ZNF443: variants seen among roughly 807,000 people sequenced by gnomAD.
ZNF443 encodes the protein zinc finger protein 443.
In ZNF443, 3 loss-of-function variants were observed where a neutral mutation model predicts 12.0. The ratio of observed to expected loss-of-function variants is 0.25; its 90% CI spans 0.11 to 0.64. ZNF443 has a LOEUF of 0.64. Ranked by LOEUF, ZNF443 falls within the 30% of genes least tolerant of loss-of-function variation. The pLI is 0.84. For synonymous variants in ZNF443, 225 were observed against 265.9 expected, an observed-to-expected ratio of 0.85 and a Z score of 1.50; for missense variants, 770 against 808.8, an observed-to-expected ratio of 0.95 and a Z score of 0.58.
intron 1 of ZNF443, among the ~76,000 whole-genome samples, chr19:12,436,317 C>T (rs539526657): frequency 1.2e-4 from 18 of 147,778 alleles, no homozygotes; most frequent in African/African-American, 4.6e-4. Context: ...CCTATCTCTA[C>T]TAAACATACA....
At chr19:12,436,547 G>A in intron 1 of ZNF443, among the ~76,000 whole-genome samples, 1 of 150,722 alleles carries the variant, frequency 6.6e-6, no homozygotes, top group East Asian at 1.9e-4. Flanking sequence ...CTAAAATGAA[G>A]ACATCTTCAC....
Position 12,430,952 on chromosome 19 carries a change from C to T in ZNF443, c.1220G>A (p.Ser407Asn), listed in dbSNP as rs1270017721. The T allele has an allele frequency of 6.2e-7, 1 of 1,613,438 alleles. No individual in the cohort carries two copies. The highest frequency in any genetic ancestry group is 8.5e-7 in the Non-Finnish European group (1 of 1,179,718). The change falls in exon 4 of 4, where the codon AGC (serine) becomes AAC (asparagine). Residue 407 changes from serine (S) to asparagine (N), a missense_variant. Transcript: ENST00000301547. ...GTGCATTATCATATGACTTCGAAAGCTTGAGCGATGAGATAATGCTTTCCC... is the reference window on the plus strand; with the variant it reads ...GTGCATTATCATATGACTTCGAAAGTTTGAGCGATGAGATAATGCTTTCCC... ...QCGKALSHRS[S>N]FRSHMIMHTG...
At chr19:12,440,406 C>T (rs985947352) in intron 1 of ZNF443, among the ~76,000 whole-genome samples, 1 of 152,184 alleles carries the variant, frequency 6.6e-6, no homozygotes, top group African/African-American at 2.4e-5. Context: ...TTGAAGACCC[C>T]ACGAGGGAGC....
intron 1 of ZNF443, among the ~76,000 whole-genome samples, chr19:12,437,352 T>C (rs1970322751): frequency 1.3e-5 from 2 of 150,500 alleles, no homozygotes; most frequent in African/African-American, 4.9e-5. Flanking sequence ...AGGTTATAGT[T>C]AACTATGATT....
In ZNF443 at chr19:12,429,868, A is replaced by G; in HGVS notation, c.*288T>C. The G allele has an allele frequency of 1.9e-6, 1 of 522,924 alleles. No individual in the cohort carries two copies. The highest frequency in any genetic ancestry group is 3.4e-6 in the Non-Finnish European group (1 of 296,872). The allele number at this position is 522,924 out of a possible 1,614,324, so 32.4% of individuals were successfully genotyped here. On this transcript the variant is annotated 3_prime_UTR_variant, in exon 4 of 4. Transcript: ENST00000301547. ...ATTTGCATAGCTTTTATAATGCATG[A>G]GGTATTTTAAGTAATCTAGACATAA...
intron 2 of ZNF443, 55 bp from the exon 3 acceptor site, chr19:12,432,492 C>T: frequency 5.6e-6 from 7 of 1,241,672 alleles, no homozygotes; most frequent in Non-Finnish European, 7.8e-6. Context: ...TATAGACAAA[C>T]AGTAACATTT....
chr19:12,432,587 T>C, intron 2 of ZNF443, 150 bp from the exon 3 acceptor site: 1 of 505,892 alleles, frequency 2.0e-6, no homozygotes, highest in Non-Finnish European at 3.4e-6. Flanking sequence ...CACAAGTCCA[T>C]TTGTATATAC....
chr19:12,438,161 A>G (rs1254856985), intron 1 of ZNF443, among the ~76,000 whole-genome samples: 1 of 152,012 alleles, frequency 6.6e-6, no homozygotes, highest in Non-Finnish European at 1.5e-5. Flanking sequence ...CCTCTCTGCC[A>G]TAGTCAAAGC....
At chr19:12,432,811 G>A (rs1477865313) in intron 2 of ZNF443, among the ~76,000 whole-genome samples, 5 of 148,488 alleles carry the variant, frequency 3.4e-5, no homozygotes, top group African/African-American at 1.3e-4. Flanking sequence ...AATATACGAT[G>A]TAATAATACG....
At chr19:12,434,324 T>C (rs28428848) in intron 1 of ZNF443, among the ~76,000 whole-genome samples, 49,920 of 151,950 alleles carry the variant, frequency 0.33, 8,598 homozygotes, top group South Asian at 0.47. Context: ...CAGAGAATAT[T>C]TGGAAGCTGG....
chr19:12,430,534 G>C lies in ZNF443; in HGVS notation c.1638C>G (p.Asn546Lys). The C allele has an allele frequency of 6.2e-7, 1 of 1,614,060 alleles. No individual in the cohort carries two copies. Residue 546 changes from asparagine (N) to lysine (K), a missense_variant, in exon 4 of 4, where the codon AAC becomes AAG. Transcript: ENST00000301547. The part of the protein sequence containing the change: ...TCRKAFGHYD[N>K]LKVHERIHSG... ...AGTGAATTCTTTCATGTACCTTTAAGTTATCATAATGACCGAAGGCTTTCC... is the reference window on the plus strand; with the variant it reads ...AGTGAATTCTTTCATGTACCTTTAACTTATCATAATGACCGAAGGCTTTCC...
intron 1 of ZNF443, among the ~76,000 whole-genome samples, chr19:12,440,488 C>T (rs1970353947): frequency 6.6e-6 from 1 of 152,162 alleles, no homozygotes; most frequent in Non-Finnish European, 1.5e-5. Flanking sequence ...CAACCAAGGA[C>T]GCTACACCCA....
At chr19:12,440,737 G>A (rs1357546420) in intron 1 of ZNF443, among the ~76,000 whole-genome samples, 175 bp downstream of exon 1, 1 of 152,180 alleles carries the variant, frequency 6.6e-6, no homozygotes, top group Non-Finnish European at 1.5e-5. Flanking sequence ...GACGCCCGGG[G>A]TCCCGGCTGC....
At chr19:12,433,419 C>T (rs1183776715) in intron 1 of ZNF443, among the ~76,000 whole-genome samples, 1 of 152,184 alleles carries the variant, frequency 6.6e-6, no homozygotes, top group African/African-American at 2.4e-5. Flanking sequence ...AGAAACATGC[C>T]ACTTGTTGGC....
At position 12,429,785 on chromosome 19, in the gene ZNF443, G is replaced by T; in HGVS notation, c.*371C>A. On this transcript the variant is annotated 3_prime_UTR_variant, in exon 4 of 4. Coordinates refer to ENST00000301547, the MANE Select transcript of ZNF443 (RefSeq NM_005815.5). The stretch of plus-strand genomic sequence containing the variant: ...GGCTCACAATTACTGCATCTATACT[G>T]AAAATACATAGACTCTTTTCCTTAT... The T allele has an allele frequency of 3.4e-6, 1 of 294,364 alleles. No individual in the cohort carries two copies. The highest frequency in any genetic ancestry group is 6.3e-6 in the Non-Finnish European group (1 of 157,682). 18.2% of individuals were successfully genotyped at this position (294,364 alleles called of 1,614,324 possible).
At position 12,431,526 on chromosome 19, in the gene ZNF443, C is replaced by T. The variant is rs765005159; in HGVS notation, c.646G>A (p.Glu216Lys). Residue 216 changes from glutamate (E) to lysine (K), a missense_variant, in exon 4 of 4, where the codon GAA becomes AAA. Around this residue, in one of 3 missense-constraint regions of ZNF443, gnomAD observed 736 missense variants for 689.4 expected, o/e 1.07. Transcript: ENST00000301547. Reference protein sequence around the residue: ...FFWPSLLHMHERTHTGEKPYE... With the variant: ...FFWPSLLHMHKRTHTGEKPYE... ...GGTTTCTCTCCAGTGTGCGTTCTTT[C>T]ATGCATATGTAATAAACTGGGCCAA... 8.1e-6 allele frequency: 13 copies of T among 1,614,134 alleles called. No homozygotes were observed. The South Asian group carries it at 1.4e-4, about 18-fold the overall frequency.
In ZNF443 at chr19:12,430,947, G is replaced by A. The variant is rs775351378; in HGVS notation, c.1225C>T (p.Arg409Ter). Residue 409 changes from arginine to a stop codon, truncating the protein, a stop_gained, in exon 4 of 4, where the codon CGA becomes TGA. Transcript: ENST00000301547. LOFTEE classifies it low-confidence loss of function (END_TRUNC). ...CCAGTGTGCATTATCATATGACTTC[G>A]AAAGCTTGAGCGATGAGATAATGCT... Reference protein sequence around the residue: ...GKALSHRSSFRSHMIMHTGDG... With the variant: ...GKALSHRSSF 26 of 1,613,648 alleles carry A rather than the reference G, an allele frequency of 1.6e-5. No homozygotes were observed. Among genetic ancestry groups the A allele is most frequent in the Non-Finnish European group, 1.9e-5 (23 of 1,179,752 alleles).
chr19:12,434,959 T>TG (rs1970294066), intron 1 of ZNF443, among the ~76,000 whole-genome samples: 1 of 145,880 alleles, frequency 6.9e-6, no homozygotes, highest in Non-Finnish European at 1.5e-5. Context: ...GCTTTTTTTT[T>TG]TTTTTTTTTT....
chr19:12,435,013 A>G (rs34502810), intron 1 of ZNF443, among the ~76,000 whole-genome samples: 44,773 of 143,400 alleles, frequency 0.31, 7,391 homozygotes, highest in South Asian at 0.46. Context: ...GAGTGCAGAC[A>G]CATCACCCAG....
Sources: gnomAD v4.1 joint callset for allele counts (sites outside exome capture counted in the v4.1 genomes callset) on GRCh38, gnomAD v4.1.1 for gene constraint, gnomAD v4.1.1 regional missense constraint, MANE v1.5 for transcripts, NCBI Gene and HGNC (gene_info 2026-07-23, HGNC 2026-07-21) for gene names.